Variants in TENT5D observed in about 807,000 individuals in gnomAD.
TENT5D encodes the protein cancer/testis antigen 112.
For synonymous variants in TENT5D, 103 were observed against 100.6 expected (o/e 1.02, Z -0.15); for missense variants, 191 against 287.0 (o/e 0.67, Z 2.42).
intron 3 of TENT5D, among the ~76,000 whole-genome samples, chrX:80,353,430 C>G (rs1210012660): frequency 9.0e-6 from 1 of 111,427 alleles, no homozygotes; most frequent in Non-Finnish European, 1.9e-5. Context: ...TCGCCCTCCT[C>G]CTATCCTCTA....
At chrX:80,424,891 C>A (rs1266839636) in intron 1 of TENT5D, among the ~76,000 whole-genome samples, 1 of 112,235 alleles carries the variant, frequency 8.9e-6, no homozygotes, top group Non-Finnish European at 1.9e-5. Context: ...CCCTTAAATA[C>A]CTGTGAGTTG....
At chrX:80,360,443 A>G (rs1930383779) in intron 3 of TENT5D, among the ~76,000 whole-genome samples, 2 of 112,314 alleles carry the variant, frequency 1.8e-5, no homozygotes, top group Admixed American at 1.9e-4. Flanking sequence ...TGGATCATTT[A>G]TTTTAGAAAT....
intron 3 of TENT5D, among the ~76,000 whole-genome samples, chrX:80,376,475 C>T (rs944296049): frequency 2.7e-5 from 3 of 111,369 alleles, no homozygotes; most frequent in African/African-American, 9.8e-5. Flanking sequence ...TTTCTCGTGT[C>T]TAGGCCATCT....
At chrX:80,366,867 T>A (rs1156412611) in intron 3 of TENT5D, among the ~76,000 whole-genome samples, 1 of 111,850 alleles carries the variant, frequency 8.9e-6, no homozygotes, top group East Asian at 2.8e-4. Flanking sequence ...TTTTAATCTT[T>A]ATTGAGGAAT....
At chrX:80,407,468 A>G (rs1248248382) in intron 3 of TENT5D, among the ~76,000 whole-genome samples, 3 of 109,187 alleles carry the variant, frequency 2.7e-5, no homozygotes, top group Non-Finnish European at 5.7e-5. Context: ...CTGATAAAAC[A>G]GACTTTAAAC....
chrX:80,361,253 T>G (rs937761897), intron 3 of TENT5D, among the ~76,000 whole-genome samples: 17 of 112,019 alleles, frequency 1.5e-4, no homozygotes, highest in African/African-American at 5.2e-4. Flanking sequence ...GTTAAAAGTT[T>G]CAAAATCTAG....
intron 3 of TENT5D, among the ~76,000 whole-genome samples, chrX:80,403,215 T>A (rs1233177413): frequency 8.9e-6 from 1 of 112,091 alleles, no homozygotes; most frequent in African/African-American, 3.2e-5. Flanking sequence ...AATGCACTCT[T>A]ATAAACAATC....
intron 1 of TENT5D, among the ~76,000 whole-genome samples, chrX:80,424,351 A>G (rs762585289): frequency 3.6e-5 from 4 of 111,899 alleles, no homozygotes; most frequent in African/African-American, 9.7e-5. Context: ...GCGTGTTAAG[A>G]TTTGGGTTCA....
At chrX:80,411,091 T>C (rs1415401651) in intron 3 of TENT5D, among the ~76,000 whole-genome samples, 1 of 67,905 alleles carries the variant, frequency 1.5e-5, no homozygotes, top group African/African-American at 6.0e-5. Flanking sequence ...CTGGGGACTG[T>C]TGTGGGGTGG....
At chrX:80,380,324 CAGTT>C (rs1452985688) in intron 3 of TENT5D, among the ~76,000 whole-genome samples, 2 of 110,754 alleles carry the variant, frequency 1.8e-5, no homozygotes, top group African/African-American at 6.6e-5. Flanking sequence ...GTGTGAGAGA[CAGTT>C]TGTTTTGATT....
chrX:80,419,262 C>T (rs146928576), upstream of TENT5D, among the ~76,000 whole-genome samples: 3,192 of 111,514 alleles, frequency 0.029, 52 homozygotes, highest in Middle Eastern at 0.072. Flanking sequence ...AAACTGTACA[C>T]GTATATTTTT....
chrX:80,425,021 G>A (rs1162351827), intron 1 of TENT5D, among the ~76,000 whole-genome samples: 1 of 112,538 alleles, frequency 8.9e-6, no homozygotes, highest in Non-Finnish European at 1.9e-5. Context: ...CAAAGTATAA[G>A]GCCAATTTTT....
At chrX:80,444,311 A>T (rs1932346600) in exon 3 of TENT5D, 1 of 122,552 alleles carries the variant, frequency 8.2e-6, no homozygotes, top group South Asian at 3.7e-4. Flanking sequence ...ACTATAGTTT[A>T]AAGGAATACT....
At chrX:80,403,276 G>A (rs1407362234) in intron 3 of TENT5D, among the ~76,000 whole-genome samples, 2 of 111,698 alleles carry the variant, frequency 1.8e-5, no homozygotes. Context: ...TTTTTCTTAA[G>A]GTTTAAAAAA....
intron 3 of TENT5D, among the ~76,000 whole-genome samples, chrX:80,381,204 C>A (rs975178219): frequency 9.0e-6 from 1 of 110,954 alleles, no homozygotes; most frequent in African/African-American, 3.3e-5. Flanking sequence ...ATTTTATTTC[C>A]CCTTCACTTA....
chrX:80,439,989 A>T lies in TENT5D; in HGVS notation c.-19+1257A>T, dbSNP rs377336631. On this transcript the variant is annotated intron_variant, in intron 2 of 2. Transcript: ENST00000308293. ...AAAACAAGCTTTCATAGTTATGGCTAGAGAAAGGTTAAAAAAAACCTAACT... is the reference window on the plus strand; with the variant it reads ...AAAACAAGCTTTCATAGTTATGGCTTGAGAAAGGTTAAAAAAAACCTAACT... Among the ~76,000 whole-genome samples, 94 of 111,216 alleles carry T rather than the reference A, an allele frequency of 8.5e-4. No homozygotes were observed. The South Asian group carries it at 0.034, about 41-fold the overall frequency.
At chrX:80,354,009 G>A (rs983733974) in intron 3 of TENT5D, among the ~76,000 whole-genome samples, 4 of 111,051 alleles carry the variant, frequency 3.6e-5, no homozygotes, top group African/African-American at 1.3e-4. Context: ...GTATCTCATT[G>A]TGGCTTTGAT....
At chrX:80,420,126 T>A (rs1931856324), upstream of TENT5D, among the ~76,000 whole-genome samples, 1 of 111,849 alleles carries the variant, frequency 8.9e-6, no homozygotes, top group South Asian at 3.7e-4. Flanking sequence ...TACAACTTAA[T>A]TTTGAAGTTA....
chrX:80,369,895 A>C (rs1331777557), intron 3 of TENT5D, among the ~76,000 whole-genome samples: 2 of 110,964 alleles, frequency 1.8e-5, no homozygotes, highest in Non-Finnish European at 3.8e-5. Context: ...GGATGACGGT[A>C]GTTTCTTCAT....
Sources: allele counts gnomAD v4.1 joint callset (sites outside exome capture counted in the v4.1 genomes callset), GRCh38; gene constraint gnomAD v4.1.1; transcripts MANE v1.5; gene names NCBI Gene and HGNC (gene_info 2026-07-23, HGNC 2026-07-21).